GALNT12: variants seen among roughly 807,000 people sequenced by gnomAD.
GALNT12 encodes the protein polypeptide N-acetylgalactosaminyltransferase 12.
Under a neutral mutation model 55.5 loss-of-function variants are expected in GALNT12, and 45 were observed. That is an observed-to-expected ratio of 0.81 (90% CI 0.64 to 1.04). GALNT12 has a LOEUF of 1.04. GALNT12 is among the 50% of genes least tolerant of loss of function. The pLI, the probability that GALNT12 is intolerant of heterozygous loss-of-function variation, is 0.00. For missense variants in GALNT12, 709 were observed against 754.8 expected, an observed-to-expected ratio of 0.94 and a Z score of 0.71; for synonymous variants, 304 against 312.2, an observed-to-expected ratio of 0.97 and a Z score of 0.28.
intron 1 of GALNT12, among the ~76,000 whole-genome samples, chr9:98,812,452 G>A (rs957695312): frequency 3.3e-5 from 5 of 152,180 alleles, no homozygotes; most frequent in South Asian, 2.1e-4. Flanking sequence ...TTAGCTGGGC[G>A]TGGTGGTGGG....
chr9:98,818,316 G>A (rs1013283299), intron 1 of GALNT12, among the ~76,000 whole-genome samples: 8 of 151,968 alleles, frequency 5.3e-5, no homozygotes, highest in East Asian at 3.9e-4. Context: ...TCCGCCCCCC[G>A]GGTTCAAGCC....
intron 7 of GALNT12, among the ~76,000 whole-genome samples, chr9:98,841,853 T>C (rs1052567796): frequency 2.6e-5 from 4 of 151,870 alleles, no homozygotes; most frequent in African/African-American, 4.8e-5. Context: ...TTTTTTTGTA[T>C]TTTTAGCAGA....
At chr9:98,842,233 G>C (rs1836307797) in intron 7 of GALNT12, among the ~76,000 whole-genome samples, 1 of 152,024 alleles carries the variant, frequency 6.6e-6, no homozygotes, top group Non-Finnish European at 1.5e-5. Flanking sequence ...ACCCAGGCTG[G>C]AGCACAGTGG....
At chr9:98,836,322 A>T (rs1407502) in intron 5 of GALNT12, among the ~76,000 whole-genome samples, 3,921 of 152,308 alleles carry the variant, frequency 0.026, 166 homozygotes, top group East Asian at 0.12. Context: ...AATATTTTAT[A>T]TGGTGTTCTG....
intron 9 of GALNT12, 26 bp from the exon 10 acceptor site, chr9:98,848,926 G>C (rs1443311272): frequency 6.2e-7 from 1 of 1,613,986 alleles, no homozygotes; most frequent in Admixed American, 1.7e-5. Flanking sequence ...CTGATGACTT[G>C]CCTGTCATTC....
Position 98,836,988 on chromosome 9 carries a change from G to T in GALNT12, c.1052G>T (p.Gly351Val), listed in dbSNP as rs1836168426. 1 of 1,613,940 alleles carries T rather than the reference G, an allele frequency of 6.2e-7. No homozygotes were observed. The highest frequency in any genetic ancestry group is 1.3e-5 in the African/African-American group (1 of 74,864). Residue 351 changes from glycine to valine, a missense_variant, in exon 6 of 10, where the codon GGG becomes GTG. Around this residue, in one of 5 missense-constraint regions of GALNT12, gnomAD observed 262 missense variants for 310.7 expected, o/e 0.84. Transcript: ENST00000375011. ...TGTGTGCAGATCTGGCAGTGTGGTG[G>T]GGTTCTGGAAACACACCCATGTTCC... ...EFSFRIWQCG[G>V]VLETHPCSHV...
intron 5 of GALNT12, 119 bp downstream of exon 5, chr9:98,835,485 A>G: frequency 1.3e-6 from 1 of 776,154 alleles, no homozygotes. Context: ...TATCCTATAA[A>G]CATGCTTGCT....
chr9:98,821,230 G>A (rs999739190), intron 1 of GALNT12, among the ~76,000 whole-genome samples: 4 of 151,916 alleles, frequency 2.6e-5, no homozygotes, highest in South Asian at 4.2e-4. Flanking sequence ...GGCTGGTCTC[G>A]AACTCCTGGC....
chr9:98,830,505 A>G (rs1212968051), intron 3 of GALNT12, among the ~76,000 whole-genome samples: 1 of 152,230 alleles, frequency 6.6e-6, no homozygotes, highest in African/African-American at 2.4e-5. Context: ...ATGCTGGTAC[A>G]GCATTCCCCT....
At chr9:98,812,789 A>C (rs938652371) in intron 1 of GALNT12, among the ~76,000 whole-genome samples, 1 of 151,102 alleles carries the variant, frequency 6.6e-6, no homozygotes, top group African/African-American at 2.4e-5. Flanking sequence ...CCCTCATTCC[A>C]TTTTTTTCCT....
At chr9:98,825,694 G>T (rs982536102) in intron 2 of GALNT12, among the ~76,000 whole-genome samples, 6 of 152,176 alleles carry the variant, frequency 3.9e-5, no homozygotes, top group African/African-American at 1.4e-4. Flanking sequence ...TAAAAAATTG[G>T]CTGGGTGCGG....
At chr9:98,814,693 A>C (rs1835574078) in intron 1 of GALNT12, among the ~76,000 whole-genome samples, 1 of 151,974 alleles carries the variant, frequency 6.6e-6, no homozygotes, top group Non-Finnish European at 1.5e-5. Context: ...CTGGGTGAAA[A>C]AAAAAAAAAG....
At chr9:98,816,346 G>T (rs972113806) in intron 1 of GALNT12, among the ~76,000 whole-genome samples, 1 of 148,364 alleles carries the variant, frequency 6.7e-6, no homozygotes, top group African/African-American at 2.5e-5. Context: ...TTCTAGAATG[G>T]TGGCCCTAGG....
In GALNT12 at chr9:98,849,039, G is replaced by A; in HGVS notation, c.1693G>A (p.Asp565Asn). 1.2e-6 allele frequency: 2 copies of A among 1,614,156 alleles called. No homozygotes were observed. Among genetic ancestry groups the A allele is most frequent in the Non-Finnish European group, 8.5e-7 (1 of 1,179,990 alleles). ...SSDSFVPLLR[D>N]CTNSDHQKWF... is the part of the protein sequence containing the mutation. ...TGACAGTTTCGTTCCACTCTTACGA[G>A]ACTGCACCAACTCGGATCATCAGAA... Residue 565 changes from aspartate (D) to asparagine (N), a missense_variant, in exon 10 of 10, where the codon GAC becomes AAC. This residue lies in a region of GALNT12 where 262 missense variants were observed against 310.7 expected (regional missense o/e 0.84). Coordinates refer to ENST00000375011, the MANE Select transcript of GALNT12 (RefSeq NM_024642.5).
intron 5 of GALNT12, among the ~76,000 whole-genome samples, chr9:98,836,097 A>G (rs1340112756): frequency 6.6e-6 from 1 of 152,168 alleles, no homozygotes; most frequent in African/African-American, 2.4e-5. Context: ...CACAATCTAG[A>G]ATTCTAGCTA....
At chr9:98,840,244 A>T in intron 7 of GALNT12, 111 bp downstream of exon 7, 1 of 1,342,378 alleles carries the variant, frequency 7.4e-7, no homozygotes, top group Non-Finnish European at 1.1e-6. Flanking sequence ...GGCTTCCTCC[A>T]CTCCCACCCG....
At chr9:98,848,316 G>C (rs541961436) in intron 9 of GALNT12, among the ~76,000 whole-genome samples, 18 of 152,188 alleles carry the variant, frequency 1.2e-4, no homozygotes, top group African/African-American at 3.6e-4. Context: ...TTATAACAGA[G>C]AGGCAGAGGG....
chr9:98,810,621 G>C (rs1835475569), intron 1 of GALNT12, among the ~76,000 whole-genome samples: 4 of 152,150 alleles, frequency 2.6e-5, no homozygotes. Flanking sequence ...ATGACTAAGG[G>C]ACCACTTGGT....
rs1384104398 is a variant in GALNT12 at position 98,849,502 on chromosome 9, G to T, written c.*410G>T. 2 of 507,602 alleles carry T rather than the reference G, an allele frequency of 3.9e-6. No individual in the cohort carries two copies. Among genetic ancestry groups the T allele is most frequent in the African/African-American group, 3.9e-5 (2 of 51,332 alleles). 31.4% of individuals were successfully genotyped at this position (507,602 alleles called of 1,614,324 possible). On this transcript the variant is annotated 3_prime_UTR_variant, in exon 10 of 10. Transcript: ENST00000375011. The stretch of plus-strand genomic sequence containing the variant: ...AGATATCTGCATGGGTGGAAATCAG[G>T]TTCAAGCAACGTACTTTGCATTAAC...
Sources: allele counts gnomAD v4.1 joint callset (sites outside exome capture counted in the v4.1 genomes callset), GRCh38; gene constraint gnomAD v4.1.1; regional missense constraint gnomAD v4.1.1; transcripts MANE v1.5; gene names NCBI Gene and HGNC (gene_info 2026-07-23, HGNC 2026-07-21).